Variants in GALNT17 observed in about 807,000 individuals in gnomAD.
GALNT17 encodes polypeptide N-acetylgalactosaminyltransferase 17, also known as UDP-GalNAc:polypeptide N-acetylgalactosaminyltransferase-like 3.
Under a neutral mutation model 63.7 loss-of-function variants are expected in GALNT17, and 29 were observed. The observed-to-expected ratio is 0.46, with a 90% CI of 0.34 to 0.62. The LOEUF (loss-of-function observed/expected upper bound fraction) is 0.62. GALNT17 is among the 20% of genes least tolerant of loss of function. GALNT17 has a pLI of 0.01. For missense variants in GALNT17, 603 were observed against 799.6 expected (o/e 0.75, Z 2.97); for synonymous variants, 305 against 318.3 (o/e 0.96, Z 0.45).
intron 2 of GALNT17, among the ~76,000 whole-genome samples, chr7:71,347,710 C>T (rs1232334134): frequency 6.6e-6 from 1 of 151,986 alleles, no homozygotes; most frequent in Non-Finnish European, 1.5e-5. Context: ...TATTTTCCTT[C>T]ATAAGGTTCT....
At chr7:71,345,147 G>GTTTTTTTTTT (rs67919212) in intron 2 of GALNT17, among the ~76,000 whole-genome samples, 7 of 139,436 alleles carry the variant, frequency 5.0e-5, no homozygotes, top group Non-Finnish European at 6.3e-5. Flanking sequence ...GTTGTTTTTT[G>GTTTTTTTTTT]TTTTTTTTTT....
At chr7:71,593,148 GCAATAATAATAATAA>G (rs1478749421) in intron 6 of GALNT17, among the ~76,000 whole-genome samples, 1 of 114,576 alleles carries the variant, frequency 8.7e-6, no homozygotes, top group Admixed American at 8.3e-5. Context: ...GGACCTTGTT[GCAATAATAATAATAA>G]TAATAATAAT....
chr7:71,528,247 C>A (rs748891392), intron 5 of GALNT17, among the ~76,000 whole-genome samples: 1 of 152,206 alleles, frequency 6.6e-6, no homozygotes, highest in African/African-American at 2.4e-5. Flanking sequence ...ACATAGCACA[C>A]CTGCATCTCT....
intron 2 of GALNT17, among the ~76,000 whole-genome samples, chr7:71,345,492 C>A (rs1186878220): frequency 6.6e-6 from 1 of 152,160 alleles, no homozygotes; most frequent in Non-Finnish European, 1.5e-5. Flanking sequence ...CCATTTTATC[C>A]CGACAATGTC....
intron 5 of GALNT17, among the ~76,000 whole-genome samples, chr7:71,497,756 G>C (rs919728209): frequency 1.3e-5 from 2 of 152,212 alleles, no homozygotes; most frequent in East Asian, 3.9e-4. Context: ...GCCCACTCCT[G>C]CTGTTGTTGC....
Position 71,505,858 on chromosome 7 carries a change from G to C in GALNT17, c.963-65427G>C, listed in dbSNP as rs149090657. Among the ~76,000 whole-genome samples, 1,168 of 152,228 alleles carry C rather than the reference G, an allele frequency of 7.7e-3. 40 individuals are homozygous for C. Among genetic ancestry groups the C allele is most frequent in the Admixed American group, 0.06 (910 of 15,286 alleles). ...AGAGAAGTAATTACTTCTGCTTTTG[G>C]GGCACCAAGCATTTAGCTCTCTGAT... On this transcript the variant is annotated intron_variant, in intron 5 of 10. Coordinates refer to ENST00000333538, the MANE Select transcript of GALNT17 (RefSeq NM_022479.3).
chr7:71,710,677 GCC>G, intron 9 of GALNT17, 82 bp from the exon 10 acceptor site: 2 of 1,500,478 alleles, frequency 1.3e-6, no homozygotes, highest in Non-Finnish European at 1.8e-6. Context: ...CAGGAGTAAA[GCC>G]GAGAGACCTG....
At chr7:71,313,559 C>T (rs1378933657) in intron 1 of GALNT17, among the ~76,000 whole-genome samples, 2 of 152,020 alleles carry the variant, frequency 1.3e-5, no homozygotes, top group East Asian at 1.9e-4. Flanking sequence ...AATTATTTAC[C>T]GTGAAAGAAG....
chr7:71,197,973 G>A (rs1285430440), intron 1 of GALNT17, among the ~76,000 whole-genome samples: 6 of 152,004 alleles, frequency 3.9e-5, no homozygotes, highest in African/African-American at 7.2e-5. Context: ...CGAGGTGGGC[G>A]GATCACCAGA....
chr7:71,166,747 T>G (rs1294938280), intron 1 of GALNT17, among the ~76,000 whole-genome samples: 2 of 152,228 alleles, frequency 1.3e-5, no homozygotes. Flanking sequence ...GAGGGCCATG[T>G]GTATTGTCTC....
intron 6 of GALNT17, among the ~76,000 whole-genome samples, chr7:71,583,233 C>T (rs372359605): frequency 1.3e-5 from 2 of 152,164 alleles, no homozygotes; most frequent in East Asian, 1.9e-4. Context: ...TAGCTGGGAC[C>T]ACAGGGGCAC....
intron 5 of GALNT17, among the ~76,000 whole-genome samples, chr7:71,472,425 A>G (rs1245191929): frequency 6.6e-6 from 1 of 152,218 alleles, no homozygotes; most frequent in Non-Finnish European, 1.5e-5. Context: ...GCGGTGGCTC[A>G]TGCCTGTAAT....
intron 2 of GALNT17, among the ~76,000 whole-genome samples, chr7:71,349,813 G>A (rs1158008937): frequency 6.6e-6 from 1 of 152,160 alleles, no homozygotes; most frequent in Non-Finnish European, 1.5e-5. Flanking sequence ...TAGCTCTCAA[G>A]TGTTTTATGA....
chr7:71,370,454 C>G (rs1792600599), intron 2 of GALNT17, among the ~76,000 whole-genome samples: 1 of 151,664 alleles, frequency 6.6e-6, no homozygotes, highest in African/African-American at 2.4e-5. Context: ...GTGTGCCACC[C>G]AAGGCTGGCT....
chr7:71,592,311 C>A (rs1210308050), intron 6 of GALNT17, among the ~76,000 whole-genome samples: 1 of 151,960 alleles, frequency 6.6e-6, no homozygotes. Context: ...ACTGTCTTTC[C>A]TATGCATTTT....
At chr7:71,341,794 G>T (rs1792009696) in intron 2 of GALNT17, among the ~76,000 whole-genome samples, 2 of 152,170 alleles carry the variant, frequency 1.3e-5, no homozygotes, top group African/African-American at 4.8e-5. Context: ...TCAAGCACAT[G>T]CTCCAGCAAA....
chr7:71,542,859 C>T (rs1053332677), intron 5 of GALNT17, among the ~76,000 whole-genome samples: 11 of 151,934 alleles, frequency 7.2e-5, no homozygotes, highest in African/African-American at 2.7e-4. Flanking sequence ...CTCCTTCAGC[C>T]GAGGTTAATC....
chr7:71,661,827 G>A (rs1013683560), intron 6 of GALNT17, among the ~76,000 whole-genome samples: 1 of 152,148 alleles, frequency 6.6e-6, no homozygotes, highest in African/African-American at 2.4e-5. Context: ...TTAGTGTGCT[G>A]GCTGATATCC....
chr7:71,696,683 C>A (rs950129294), intron 9 of GALNT17, among the ~76,000 whole-genome samples: 1 of 152,108 alleles, frequency 6.6e-6, no homozygotes, highest in Non-Finnish European at 1.5e-5. Context: ...ATGGAAAATT[C>A]TTTCCCCCTA....
Sources: allele counts gnomAD v4.1 joint callset (sites outside exome capture counted in the v4.1 genomes callset), GRCh38; gene constraint gnomAD v4.1.1; transcripts MANE v1.5; gene names NCBI Gene and HGNC (gene_info 2026-07-23, HGNC 2026-07-21).